The following KIAA1328 variants were observed in gnomAD, a reference collection of about 807,000 sequenced individuals.
KIAA1328 encodes KIAA1328.
In KIAA1328, 52 loss-of-function variants were observed where a neutral mutation model predicts 68.1. That is an observed-to-expected ratio of 0.76 (90% CI 0.61 to 0.96). The LOEUF is 0.96. Ranked by LOEUF, KIAA1328 falls within the 40% of genes least tolerant of loss-of-function variation. The pLI, the probability that KIAA1328 is intolerant of heterozygous loss-of-function variation, is 0.00. For missense variants in KIAA1328, 641 were observed against 677.6 expected (o/e 0.95, Z 0.60); for synonymous variants, 232 against 239.4 (o/e 0.97, Z 0.28).
chr18:37,010,500 G>T (rs1368796115), intron 6 of KIAA1328, among the ~76,000 whole-genome samples: 1 of 142,646 alleles, frequency 7.0e-6, no homozygotes, highest in Admixed American at 7.0e-5. Flanking sequence ...ATACCATTTT[G>T]TGGATCTCTT....
intron 7 of KIAA1328, among the ~76,000 whole-genome samples, chr18:37,111,349 G>T (rs1397005830): frequency 6.6e-6 from 1 of 152,116 alleles, no homozygotes; most frequent in Non-Finnish European, 1.5e-5. Context: ...GATTACCTAG[G>T]ATTTTATGGA....
intron 6 of KIAA1328, chr18:37,063,627 C>A: frequency 1.1e-5 from 11 of 985,208 alleles, no homozygotes; most frequent in Non-Finnish European, 1.3e-5. Context: ...GCACAGTAAC[C>A]AAGCAGGTAA....
intron 6 of KIAA1328, among the ~76,000 whole-genome samples, chr18:36,966,521 G>A (rs1264823682): frequency 6.6e-6 from 1 of 152,120 alleles, no homozygotes; most frequent in African/African-American, 2.4e-5. Context: ...CTGGAATTAA[G>A]TTAGTGGAAA....
At chr18:36,986,327 A>T (rs2151390875) in intron 6 of KIAA1328, among the ~76,000 whole-genome samples, 1 of 152,300 alleles carries the variant, frequency 6.6e-6, no homozygotes, top group East Asian at 1.9e-4. Context: ...GAATTTAAAA[A>T]TCAATTCAAG....
chr18:37,137,270 C>T (rs1250767670), intron 7 of KIAA1328, among the ~76,000 whole-genome samples: 1 of 152,114 alleles, frequency 6.6e-6, no homozygotes, highest in Non-Finnish European at 1.5e-5. Context: ...TGCATCAGTA[C>T]CTCTTACATC....
intron 5 of KIAA1328, among the ~76,000 whole-genome samples, chr18:36,910,647 TA>T: frequency 6.6e-6 from 1 of 152,252 alleles, no homozygotes; most frequent in South Asian, 2.1e-4. Flanking sequence ...TAGTTTTTTC[TA>T]ATTCTGTGAA....
At chr18:37,156,426 CAAAAAAAA>C (rs769062667) in intron 7 of KIAA1328, among the ~76,000 whole-genome samples, 14 of 36,120 alleles carry the variant, frequency 3.9e-4, no homozygotes, top group Middle Eastern at 0.019. Context: ...AACTCCGCCT[CAAAAAAAA>C]AAAAAAAAAA....
chr18:37,072,735 C>T (rs983607347), intron 7 of KIAA1328, among the ~76,000 whole-genome samples: 10 of 152,208 alleles, frequency 6.6e-5, no homozygotes, highest in Admixed American at 5.9e-4. Flanking sequence ...TGGTTTGCTG[C>T]ACATACTGAC....
chr18:36,851,658 T>G (rs1045244481), intron 4 of KIAA1328, among the ~76,000 whole-genome samples: 2 of 152,130 alleles, frequency 1.3e-5, no homozygotes, highest in African/African-American at 4.8e-5. Flanking sequence ...ATGTCTCCAC[T>G]TTTATTTCTA....
At chr18:36,992,949 C>T (rs773039373) in intron 6 of KIAA1328, among the ~76,000 whole-genome samples, 7 of 151,832 alleles carry the variant, frequency 4.6e-5, no homozygotes, top group African/African-American at 1.7e-4. Context: ...ACAAAAAATA[C>T]CAAAAAAATC....
At chr18:36,928,286 G>A (rs1041443368) in intron 5 of KIAA1328, among the ~76,000 whole-genome samples, 3 of 152,100 alleles carry the variant, frequency 2.0e-5, no homozygotes, top group Non-Finnish European at 2.9e-5. Flanking sequence ...TGTGGAAATG[G>A]CAGAATGGGC....
chr18:36,882,480 A>G (rs1040675994), intron 4 of KIAA1328, among the ~76,000 whole-genome samples: 4 of 152,202 alleles, frequency 2.6e-5, no homozygotes, highest in Non-Finnish European at 2.9e-5. Flanking sequence ...TGCTCATATT[A>G]AGTATGCTAA....
At chr18:37,070,808 C>G (rs529962094) in intron 7 of KIAA1328, among the ~76,000 whole-genome samples, 45 of 152,034 alleles carry the variant, frequency 3.0e-4, no homozygotes, top group African/African-American at 9.9e-4. Flanking sequence ...GAACTGCTAA[C>G]CTCAGGTGAT....
intron 7 of KIAA1328, among the ~76,000 whole-genome samples, chr18:37,142,800 G>A (rs888727911): frequency 3.3e-5 from 5 of 151,790 alleles, no homozygotes; most frequent in African/African-American, 1.2e-4. Flanking sequence ...TTCTGTTCTA[G>A]GTTCTCTACA....
chr18:37,170,457 C>G (rs1011103835), intron 8 of KIAA1328, among the ~76,000 whole-genome samples: 4 of 152,144 alleles, frequency 2.6e-5, no homozygotes, highest in Admixed American at 2.6e-4. Flanking sequence ...TAGCAGGGTA[C>G]AAGGACATAG....
At chr18:37,136,298 T>C (rs2058643058) in intron 7 of KIAA1328, among the ~76,000 whole-genome samples, 1 of 152,126 alleles carries the variant, frequency 6.6e-6, no homozygotes, top group South Asian at 2.1e-4. Flanking sequence ...TTTGGTACCA[T>C]ATATTGGACT....
At chr18:37,060,658 A>T (rs1199632241) in intron 6 of KIAA1328, among the ~76,000 whole-genome samples, 1 of 152,264 alleles carries the variant, frequency 6.6e-6, no homozygotes, top group Non-Finnish European at 1.5e-5. Context: ...TATCTAAAAA[A>T]AAAGACTTTT....
chr18:37,055,319 T>C (rs2055866415), intron 6 of KIAA1328, among the ~76,000 whole-genome samples: 1 of 152,242 alleles, frequency 6.6e-6, no homozygotes, highest in African/African-American at 2.4e-5. Flanking sequence ...GCCAGGAGCA[T>C]GCTGTGAATT....
chr18:37,065,190 C>T (rs943267974), intron 6 of KIAA1328, among the ~76,000 whole-genome samples: 2 of 152,070 alleles, frequency 1.3e-5, no homozygotes, highest in Admixed American at 6.6e-5. Context: ...GTTCAATACA[C>T]AGAAGATTTT....
Sources: allele counts gnomAD v4.1 joint callset (sites outside exome capture counted in the v4.1 genomes callset), GRCh38; gene constraint gnomAD v4.1.1; transcripts MANE v1.5; gene names NCBI Gene and HGNC (gene_info 2026-07-23, HGNC 2026-07-21).